Variants in CCDC171 observed in about 807,000 individuals in gnomAD.
The protein encoded by CCDC171 is coiled-coil domain-containing protein 171.
In CCDC171, 177 loss-of-function variants were observed where a neutral mutation model predicts 168.2. The ratio of observed to expected loss-of-function variants is 1.05; its 90% CI spans 0.93 to 1.19. CCDC171 has a LOEUF of 1.19. CCDC171 is among the 50% of genes most tolerant of loss of function. The pLI, the probability that CCDC171 is intolerant of heterozygous loss-of-function variation, is 0.00. For missense variants in CCDC171, 1,991 were observed against 1,539.0 expected (o/e 1.29, Z -4.91); for synonymous variants, 687 against 540.8 (o/e 1.27, Z -3.75).
chr9:16,095,570 C>G, the CCDC171 span, among the ~76,000 whole-genome samples: 1 of 151,980 alleles, frequency 6.6e-6, no homozygotes, highest in Admixed American at 6.6e-5. Flanking sequence ...CACACACATA[C>G]ACACATGTTG....
intron 3 of CCDC171, among the ~76,000 whole-genome samples, chr9:15,990,683 C>A (rs1832162379): frequency 6.6e-6 from 1 of 152,166 alleles, no homozygotes; most frequent in South Asian, 2.1e-4. Flanking sequence ...GGACACCCAT[C>A]TTACATGCAG....
chr9:15,852,721 T>C (rs2061183417), intron 23 of CCDC171, among the ~76,000 whole-genome samples: 1 of 151,680 alleles, frequency 6.6e-6, no homozygotes. Flanking sequence ...CTCTCATATT[T>C]AGGTCTTCAG....
chr9:16,097,624 T>G, the CCDC171 span, among the ~76,000 whole-genome samples: 1 of 152,184 alleles, frequency 6.6e-6, no homozygotes, highest in Non-Finnish European at 1.5e-5. Flanking sequence ...GATGAATCTT[T>G]ACCTAGCATG....
At chr9:15,906,506 A>T (rs1822633783) in intron 24 of CCDC171, among the ~76,000 whole-genome samples, 1 of 152,236 alleles carries the variant, frequency 6.6e-6, no homozygotes, top group Admixed American at 6.5e-5. Context: ...TAAGTTAGGT[A>T]TTGATGGGAC....
At chr9:15,780,229 G>A (rs377300937) in intron 20 of CCDC171, among the ~76,000 whole-genome samples, 1 of 152,146 alleles carries the variant, frequency 6.6e-6, no homozygotes, top group East Asian at 1.9e-4. Context: ...TAAGCCATAG[G>A]TTTCTTTTCG....
chr9:15,701,229 G>A (rs2051709157), intron 11 of CCDC171, among the ~76,000 whole-genome samples: 2 of 152,170 alleles, frequency 1.3e-5, no homozygotes, highest in South Asian at 4.1e-4. Context: ...TTGCTGGGCA[G>A]AAGCTATGTA....
At chr9:15,911,558 C>G (rs1341421788) in intron 24 of CCDC171, among the ~76,000 whole-genome samples, 1 of 152,134 alleles carries the variant, frequency 6.6e-6, no homozygotes, top group Non-Finnish European at 1.5e-5. Flanking sequence ...TAATTAGACC[C>G]CATTTGTCAA....
At chr9:15,785,527 G>A (rs1484244722) in intron 21 of CCDC171, among the ~76,000 whole-genome samples, 1 of 151,748 alleles carries the variant, frequency 6.6e-6, no homozygotes, top group Non-Finnish European at 1.5e-5. Context: ...CAGGCACTAT[G>A]CTAACTACTT....
intron 21 of CCDC171, among the ~76,000 whole-genome samples, chr9:15,795,712 A>G (rs892793445): frequency 6.6e-6 from 1 of 152,244 alleles, no homozygotes; most frequent in African/African-American, 2.4e-5. Context: ...GGGCTGCCCT[A>G]CTATGAAATG....
chr9:15,672,316 T>A (rs1285046653), intron 9 of CCDC171, among the ~76,000 whole-genome samples: 1 of 152,224 alleles, frequency 6.6e-6, no homozygotes, highest in Admixed American at 6.5e-5. Flanking sequence ...TTTACTCTGA[T>A]GATACTTTCT....
At chr9:15,955,268 TC>T (rs1564065091) in intron 25 of CCDC171, among the ~76,000 whole-genome samples, 1 of 152,000 alleles carries the variant, frequency 6.6e-6, no homozygotes, top group Non-Finnish European at 1.5e-5. Context: ...TAATGTCTGG[TC>T]CCAAAGGGGG....
chr9:15,707,327 T>C (rs1384800501), intron 11 of CCDC171, among the ~76,000 whole-genome samples: 1 of 152,220 alleles, frequency 6.6e-6, no homozygotes, highest in Non-Finnish European at 1.5e-5. Flanking sequence ...TTGACTTTTC[T>C]TAATGCAAAG....
intron 1 of CCDC171, among the ~76,000 whole-genome samples, chr9:15,554,817 A>G (rs2038657338): frequency 6.6e-6 from 1 of 152,188 alleles, no homozygotes; most frequent in South Asian, 2.1e-4. Context: ...ATATTTTTAC[A>G]CAAATTATTC....
intron 24 of CCDC171, among the ~76,000 whole-genome samples, chr9:15,908,951 A>C (rs1823186292): frequency 6.6e-6 from 1 of 152,180 alleles, no homozygotes; most frequent in Non-Finnish European, 1.5e-5. Flanking sequence ...TTGGGTGGGG[A>C]CATACATGCA....
At chr9:15,597,545 G>A (rs946229933) in intron 6 of CCDC171, among the ~76,000 whole-genome samples, 1 of 152,136 alleles carries the variant, frequency 6.6e-6, no homozygotes, top group Non-Finnish European at 1.5e-5. Flanking sequence ...GATTCAGTTT[G>A]CCAGTATTTT....
chr9:16,010,109 T>G (rs896189701), intron 3 of CCDC171, among the ~76,000 whole-genome samples: 11 of 152,024 alleles, frequency 7.2e-5, no homozygotes, highest in African/African-American at 2.7e-4. Flanking sequence ...AACAAGAAAT[T>G]GTTGAATTAA....
chr9:16,021,725 G>A (rs1672396429), intron 4 of CCDC171, among the ~76,000 whole-genome samples: 1 of 152,190 alleles, frequency 6.6e-6, no homozygotes, highest in Non-Finnish European at 1.5e-5. Flanking sequence ...TAGCTGTTAT[G>A]AAAAGTACTA....
intron 9 of CCDC171, among the ~76,000 whole-genome samples, chr9:15,670,649 C>CT (rs1800072459): frequency 6.6e-6 from 1 of 152,110 alleles, no homozygotes; most frequent in South Asian, 2.1e-4. Context: ...TCTTCCCATC[C>CT]TTTCCATAGA....
chr9:16,042,200 G>T (rs1833584495), upstream of CCDC171, among the ~76,000 whole-genome samples: 1 of 152,184 alleles, frequency 6.6e-6, no homozygotes, highest in South Asian at 2.1e-4. Flanking sequence ...GGCTCCAGTG[G>T]ATTAGAGCGC....
Sources: gnomAD v4.1 joint callset for allele counts (sites outside exome capture counted in the v4.1 genomes callset) on GRCh38, gnomAD v4.1.1 for gene constraint, MANE v1.5 for transcripts, NCBI Gene and HGNC (gene_info 2026-07-23, HGNC 2026-07-21) for gene names.